Variants in KLHL1 observed in about 807,000 individuals in gnomAD.
KLHL1 encodes the protein kelch-like protein 1.
In KLHL1, 47 loss-of-function variants were observed where a neutral mutation model predicts 77.7. The observed-to-expected ratio is 0.60, with a 90% CI of 0.48 to 0.77. The LOEUF is 0.77. Ranked by LOEUF, KLHL1 falls within the 30% of genes least tolerant of loss-of-function variation. KLHL1 has a pLI of 0.00. For synonymous variants in KLHL1, 360 were observed against 325.2 expected, an observed-to-expected ratio of 1.11 and a Z score of -1.15; for missense variants, 925 against 910.8, an observed-to-expected ratio of 1.02 and a Z score of -0.20.
chr13:69,811,408 G>T (rs908298645), intron 6 of KLHL1, among the ~76,000 whole-genome samples: 1 of 149,574 alleles, frequency 6.7e-6, no homozygotes, highest in African/African-American at 2.5e-5. Flanking sequence ...AAAAAAAAAA[G>T]CATTAGATAA....
intron 1 of KLHL1, among the ~76,000 whole-genome samples, chr13:70,016,988 C>T (rs1016797106): frequency 1.3e-5 from 2 of 152,274 alleles, no homozygotes; most frequent in Admixed American, 1.3e-4. Flanking sequence ...GTCCCCTCTC[C>T]ACTAAGAGCT....
intron 1 of KLHL1, among the ~76,000 whole-genome samples, chr13:70,033,603 GCTTTTTTTTTTT>G (rs1235700134): frequency 1.7e-5 from 2 of 116,094 alleles, no homozygotes; most frequent in African/African-American, 3.3e-5. Context: ...ACCGCAACTG[GCTTTTTTTTTTT>G]TTTTTTTTTT....
chr13:69,767,073 C>T (rs956727116), intron 7 of KLHL1, among the ~76,000 whole-genome samples: 15 of 151,872 alleles, frequency 9.9e-5, no homozygotes, highest in South Asian at 8.3e-4. Flanking sequence ...AGAAAAGAAA[C>T]GAAAAAGATA....
chr13:70,092,210 T>C (rs1887686491), intron 1 of KLHL1, among the ~76,000 whole-genome samples: 2 of 152,200 alleles, frequency 1.3e-5, no homozygotes, highest in Admixed American at 6.5e-5. Flanking sequence ...GTTTGTTGAT[T>C]TAAGCCACAA....
chr13:69,877,869 T>G (rs1880826456), intron 5 of KLHL1, among the ~76,000 whole-genome samples: 1 of 152,146 alleles, frequency 6.6e-6, no homozygotes, highest in African/African-American at 2.4e-5. Flanking sequence ...TTACCATAAC[T>G]TAATGTGCTA....
chr13:69,728,649 C>CAAAAAAAAAAAAA (rs536317353), intron 8 of KLHL1, among the ~76,000 whole-genome samples: 114 of 132,736 alleles, frequency 8.6e-4, no homozygotes, highest in African/African-American at 3.1e-3. Flanking sequence ...CTAAAAATGC[C>CAAAAAAAAAAAAA]AAAAAAAAAA....
chr13:70,107,139 G>A (rs1888080430), intron 1 of KLHL1, 64 bp downstream of exon 1: 1 of 1,525,762 alleles, frequency 6.6e-7, no homozygotes, highest in Non-Finnish European at 8.8e-7. Flanking sequence ...AGCCACATGA[G>A]CACACGCGGT....
intron 1 of KLHL1, among the ~76,000 whole-genome samples, chr13:69,979,975 T>C (rs1884660663): frequency 6.6e-6 from 1 of 152,200 alleles, no homozygotes; most frequent in Non-Finnish European, 1.5e-5. Context: ...CAATTCGACT[T>C]CCATAACTAC....
At chr13:70,057,782 C>CAAAAAA (rs60920874) in intron 1 of KLHL1, among the ~76,000 whole-genome samples, 25 of 62,046 alleles carry the variant, frequency 4.0e-4, no homozygotes, top group Admixed American at 1.1e-3. Flanking sequence ...GACTCCGTCT[C>CAAAAAA]AAAAAAAAAA....
intron 5 of KLHL1, among the ~76,000 whole-genome samples, chr13:69,848,043 C>T (rs1345029398): frequency 6.6e-6 from 1 of 151,464 alleles, no homozygotes; most frequent in Non-Finnish European, 1.5e-5. Context: ...ATTTAAGGTG[C>T]TGGTGAAAGG....
At chr13:69,802,855 G>C (rs1206149918) in intron 6 of KLHL1, 1 of 152,168 alleles carries the variant, frequency 6.6e-6, no homozygotes, top group African/African-American at 2.4e-5. Context: ...CTCGGTGTCT[G>C]AGGGGTTTTG....
intron 6 of KLHL1, among the ~76,000 whole-genome samples, chr13:69,821,189 A>C (rs913669870): frequency 6.6e-6 from 1 of 152,228 alleles, no homozygotes; most frequent in Non-Finnish European, 1.5e-5. Flanking sequence ...GGTAGGCTAG[A>C]TATGGTCATA....
intron 4 of KLHL1, among the ~76,000 whole-genome samples, chr13:69,890,775 A>G (rs1169199310): frequency 6.6e-6 from 1 of 152,030 alleles, no homozygotes; most frequent in Admixed American, 6.6e-5. Context: ...ATATAGTTTT[A>G]GTTGAAACTA....
chr13:69,976,403 A>C (rs763598914), intron 1 of KLHL1, among the ~76,000 whole-genome samples: 7 of 152,092 alleles, frequency 4.6e-5, no homozygotes, highest in Non-Finnish European at 1.0e-4. Flanking sequence ...AATCATTAAT[A>C]GATATTTTAA....
At chr13:70,013,922 C>T (rs1223373476) in intron 1 of KLHL1, among the ~76,000 whole-genome samples, 1 of 152,008 alleles carries the variant, frequency 6.6e-6, no homozygotes, top group Non-Finnish European at 1.5e-5. Context: ...TTTTATTATA[C>T]CTTAATGTTT....
chr13:69,813,481 TACAC>T (rs141973704), intron 6 of KLHL1, among the ~76,000 whole-genome samples: 26 of 146,362 alleles, frequency 1.8e-4, no homozygotes, highest in South Asian at 6.6e-4. Flanking sequence ...TACACACACA[TACAC>T]ACACACACAC....
chr13:69,992,074 G>A (rs1335771565), intron 1 of KLHL1, among the ~76,000 whole-genome samples: 1 of 151,938 alleles, frequency 6.6e-6, no homozygotes, highest in South Asian at 2.1e-4. Flanking sequence ...GGATGCTCAA[G>A]TTTGAGAATC....
chr13:70,057,808 AAG>A (rs1245774332), intron 1 of KLHL1, among the ~76,000 whole-genome samples: 1 of 150,046 alleles, frequency 6.7e-6, no homozygotes, highest in Non-Finnish European at 1.5e-5. Context: ...AAAAAAAAGA[AAG>A]AAAGAAAAGA....
In KLHL1 at chr13:69,769,296, T is replaced by A. The variant is rs1875452751; in HGVS notation, c.1639+27442A>T. Reference sequence around the variant, plus strand: ...TTACAAAGTAGGTTATAAAACTGCTTTGTGATGTTTCCAGCTTGGTAAAAT... The same window carrying A: ...TTACAAAGTAGGTTATAAAACTGCTATGTGATGTTTCCAGCTTGGTAAAAT... On this transcript the variant is annotated intron_variant, in intron 7 of 10. Transcript: ENST00000377844. 2.0e-5 allele frequency among the ~76,000 whole-genome samples: 3 copies of A among 152,328 alleles called. No individual in the cohort carries two copies. The South Asian group carries it at 6.2e-4, about 32-fold the overall frequency.
Sources: allele counts gnomAD v4.1 joint callset (sites outside exome capture counted in the v4.1 genomes callset), GRCh38; gene constraint gnomAD v4.1.1; transcripts MANE v1.5; gene names NCBI Gene and HGNC (gene_info 2026-07-23, HGNC 2026-07-21).